SLC16A10: variants seen among roughly 807,000 people sequenced by gnomAD.
SLC16A10 encodes the protein solute carrier family 16 member 10.
SLC16A10 carries 27 observed loss-of-function variants against 40.0 expected under a neutral mutation model. That is an observed-to-expected ratio of 0.67 (90% CI 0.50 to 0.93). SLC16A10 has a LOEUF of 0.93. Among genes scored for constraint, SLC16A10 ranks in the 40% least tolerant of loss-of-function variants. SLC16A10 has a pLI of 0.00. For missense variants in SLC16A10, 529 were observed against 658.2 expected (o/e 0.80, Z 2.15); for synonymous variants, 213 against 249.8 (o/e 0.85, Z 1.39).
chr6:111,140,168 A>G (rs1229242795), intron 1 of SLC16A10, among the ~76,000 whole-genome samples: 1 of 152,202 alleles, frequency 6.6e-6, no homozygotes, highest in African/African-American at 2.4e-5. Context: ...TTTTTAAAAG[A>G]AACAGAATGC....
chr6:111,173,560 G>C (rs1263304908), intron 2 of SLC16A10: 3 of 152,174 alleles, frequency 2.0e-5, no homozygotes, highest in Admixed American at 6.6e-5. Context: ...ATTTATAGCT[G>C]CTCCCCATTA....
In SLC16A10 at chr6:111,222,423, G is replaced by C. The variant is rs1770917961; in HGVS notation, c.*188G>C. Reference sequence around the variant, plus strand: ...CACTAAATATCTCTGATGTTTCCATGAGTCTGAGGGCAGAGACTCTGGTAT... The same window carrying C: ...CACTAAATATCTCTGATGTTTCCATCAGTCTGAGGGCAGAGACTCTGGTAT... On this transcript the variant is annotated 3_prime_UTR_variant, in exon 6 of 6. Transcript: ENST00000368851. 3 of 627,020 alleles carry C rather than the reference G, an allele frequency of 4.8e-6. No homozygotes were observed. Among genetic ancestry groups the C allele is most frequent in the Non-Finnish European group, 7.3e-6 (3 of 408,316 alleles). 38.8% of individuals were successfully genotyped at this position (627,020 alleles called of 1,614,324 possible).
intron 1 of SLC16A10, among the ~76,000 whole-genome samples, chr6:111,088,650 C>T (rs951297912): frequency 6.6e-6 from 1 of 152,128 alleles, no homozygotes; most frequent in African/African-American, 2.4e-5. Context: ...GCGTTCCCGT[C>T]CCCCCGCCTT....
At chr6:111,193,950 T>C (rs1773038153) in intron 3 of SLC16A10, among the ~76,000 whole-genome samples, 1 of 152,204 alleles carries the variant, frequency 6.6e-6, no homozygotes, top group Non-Finnish European at 1.5e-5. Flanking sequence ...TTGGGGAGTT[T>C]TGTGTGGGAA....
intron 1 of SLC16A10, among the ~76,000 whole-genome samples, chr6:111,129,863 C>G (rs898409784): frequency 1.3e-5 from 2 of 152,174 alleles, no homozygotes; most frequent in African/African-American, 4.8e-5. Context: ...TTTCTCTTTT[C>G]TCCCTCATAA....
At chr6:111,103,903 A>G (rs1344590696) in intron 1 of SLC16A10, among the ~76,000 whole-genome samples, 1 of 152,158 alleles carries the variant, frequency 6.6e-6, no homozygotes, top group African/African-American at 2.4e-5. Context: ...TGTTTAATCT[A>G]TCCAGTAATC....
chr6:111,214,492 T>C (rs1485254821), intron 4 of SLC16A10, among the ~76,000 whole-genome samples: 1 of 152,218 alleles, frequency 6.6e-6, no homozygotes, highest in South Asian at 2.1e-4. Flanking sequence ...ATGTGCTCCT[T>C]GTGGCCCAGG....
At chr6:111,120,155 G>A (rs866601919) in intron 1 of SLC16A10, among the ~76,000 whole-genome samples, 2 of 152,172 alleles carry the variant, frequency 1.3e-5, no homozygotes, top group African/African-American at 2.4e-5. Flanking sequence ...ACATGCTGAC[G>A]TCATTCTTCC....
At chr6:111,141,866 G>C (rs908375765) in intron 1 of SLC16A10, among the ~76,000 whole-genome samples, 1 of 152,172 alleles carries the variant, frequency 6.6e-6, no homozygotes. Flanking sequence ...CAAGATGTCA[G>C]TCCTTTTCAT....
intron 1 of SLC16A10, among the ~76,000 whole-genome samples, chr6:111,128,046 A>G (rs1385956509): frequency 6.6e-6 from 1 of 152,106 alleles, no homozygotes; most frequent in African/African-American, 2.4e-5. Context: ...TTAGACTGTT[A>G]GTAGCTTTTC....
rs1174469981 is a variant in SLC16A10 at position 111,087,608 on chromosome 6, C to G, written c.-145C>G. The G allele has an allele frequency of 1.7e-5, 6 of 358,654 alleles. No homozygotes were observed. The highest frequency in any genetic ancestry group is 2.7e-5 in the Non-Finnish European group (6 of 220,586). The allele number at this position is 358,654 out of a possible 1,614,324, so 22.2% of individuals were successfully genotyped here. ...CGCCTGCGCGCTGGCCGCCTGCGCG[C>G]TGCCAGCCCGCCCGCCCGCCAGGGG... On this transcript the variant is annotated 5_prime_UTR_variant, in exon 1 of 6. Transcript: ENST00000368851.
Position 111,121,421 on chromosome 6 carries a change from C to T in SLC16A10, c.343+33326C>T, listed in dbSNP as rs113664304. Among the ~76,000 whole-genome samples, 391 of 152,238 alleles carry T rather than the reference C, an allele frequency of 2.6e-3. 2 individuals are homozygous for T. Among genetic ancestry groups the T allele is most frequent in the African/African-American group, 8.9e-3 (369 of 41,540 alleles). On this transcript the variant is annotated intron_variant, in intron 1 of 5. Coordinates refer to ENST00000368851, the MANE Select transcript of SLC16A10 (RefSeq NM_018593.5). Reference sequence around the variant, plus strand: ...ACAAAATATATAAAAATTAGCTGGGCGTGGTGGCGTGTGCCTGTAGTACCA... The same window carrying T: ...ACAAAATATATAAAAATTAGCTGGGTGTGGTGGCGTGTGCCTGTAGTACCA...
intron 3 of SLC16A10, among the ~76,000 whole-genome samples, chr6:111,202,682 T>A (rs1372181839): frequency 6.6e-6 from 1 of 151,492 alleles, no homozygotes; most frequent in Non-Finnish European, 1.5e-5. Context: ...AGGTCAGGAG[T>A]TCGAGACCAG....
At chr6:111,144,544 G>A (rs1014463387) in intron 1 of SLC16A10, among the ~76,000 whole-genome samples, 10 of 152,182 alleles carry the variant, frequency 6.6e-5, no homozygotes, top group African/African-American at 2.4e-4. Flanking sequence ...TAAAACAAAT[G>A]TAAAAATAAA....
chr6:111,134,250 C>G (rs1158619847), intron 1 of SLC16A10, among the ~76,000 whole-genome samples: 2 of 152,152 alleles, frequency 1.3e-5, no homozygotes, highest in African/African-American at 2.4e-5. Flanking sequence ...CTAAGGAAAA[C>G]TAGGAAGAAG....
intron 1 of SLC16A10, among the ~76,000 whole-genome samples, chr6:111,171,691 CTGTGG>C (rs1349726188): frequency 1.3e-5 from 2 of 151,682 alleles, no homozygotes; most frequent in Non-Finnish European, 2.9e-5. Flanking sequence ...TGGTGCACAC[CTGTGG>C]TTCTAGCTAC....
At chr6:111,209,226 A>G (rs889816067) in intron 4 of SLC16A10, among the ~76,000 whole-genome samples, 2 of 152,166 alleles carry the variant, frequency 1.3e-5, no homozygotes, top group Non-Finnish European at 2.9e-5. Context: ...GAAAAAGAGT[A>G]GAGGTCCAGG....
intron 3 of SLC16A10, 172 bp downstream of exon 3, chr6:111,177,837 C>T: frequency 1.8e-6 from 1 of 567,730 alleles, no homozygotes; most frequent in Admixed American, 3.4e-5. Flanking sequence ...CATTAGACCA[C>T]TAAACAGAGA....
At chr6:111,154,849 C>A (rs1257772034) in intron 1 of SLC16A10, among the ~76,000 whole-genome samples, 1 of 151,782 alleles carries the variant, frequency 6.6e-6, no homozygotes, top group Non-Finnish European at 1.5e-5. Context: ...AAATCAGAAA[C>A]CCTGTCTTTA....
Sources: allele counts gnomAD v4.1 joint callset (sites outside exome capture counted in the v4.1 genomes callset), GRCh38; gene constraint gnomAD v4.1.1; transcripts MANE v1.5; gene names NCBI Gene and HGNC (gene_info 2026-07-23, HGNC 2026-07-21).